The following MEA1 variants were observed in gnomAD, a reference collection of about 807,000 sequenced individuals.
MEA1 encodes male-enhanced antigen 1.
Under a neutral mutation model 21.4 loss-of-function variants are expected in MEA1, and 22 were observed. The ratio of observed to expected loss-of-function variants is 1.03; its 90% CI spans 0.73 to 1.47. The LOEUF (loss-of-function observed/expected upper bound fraction) is 1.47, where lower values mean the gene tolerates loss of function less well. Among genes scored for constraint, MEA1 ranks in the 40% most tolerant of loss-of-function variants. MEA1 has a pLI of 0.00. For missense variants in MEA1, 233 were observed against 230.5 expected (o/e 1.01, Z -0.07); for synonymous variants, 91 against 85.5 (o/e 1.06, Z -0.35).
chr6:43,015,940 C>T (rs1762560949), upstream of MEA1, among the ~76,000 whole-genome samples: 1 of 150,426 alleles, frequency 6.6e-6, no homozygotes, highest in Admixed American at 6.6e-5. Context: ...CTCCCTTCCC[C>T]TTTTTTTTTG....
chr6:43,013,022 C>T lies in MEA1; in HGVS notation c.310G>A (p.Gly104Arg). ...AATGGTGGGTCTGGCAAATGAAGCC[C>T]CAGGGCCTGCAGAGCCACAGAAGAC... The part of the protein sequence containing the change: ...ADIQDRIQAL[G>R]LHLPDPPLES... Residue 104 changes from glycine (G) to arginine (R), a missense_variant, in exon 3 of 4, where the codon GGG (glycine) becomes AGG (arginine). Physicochemically the swap from Gly to Arg is moderately radical, Grantham distance 125. Coordinates refer to ENST00000244711, the MANE Select transcript of MEA1 (RefSeq NM_014623.4). 1 of 1,614,194 alleles carries T rather than the reference C, an allele frequency of 6.2e-7. No homozygotes were observed. The highest frequency in any genetic ancestry group is 8.5e-7 in the Non-Finnish European group (1 of 1,180,036).
chr6:43,014,272 C>T (rs1251150245), upstream of MEA1: 1 of 834,120 alleles, frequency 1.2e-6, no homozygotes, highest in Non-Finnish European at 1.8e-6. Flanking sequence ...GGGACTAAGG[C>T]GTCGGTTGGC....
At chr6:43,015,406 C>T (rs527385517), upstream of MEA1, among the ~76,000 whole-genome samples, 5 of 152,268 alleles carry the variant, frequency 3.3e-5, no homozygotes, top group Non-Finnish European at 1.5e-5. Context: ...CTTTCCTCTG[C>T]CAGGGCTTCT....
At chr6:43,016,066 G>T (rs1418457072), upstream of MEA1, among the ~76,000 whole-genome samples, 4 of 151,872 alleles carry the variant, frequency 2.6e-5, no homozygotes, top group Admixed American at 2.6e-4. Context: ...CTCCTGAGTA[G>T]CTGGGACTAC....
chr6:43,014,333 C>G, upstream of MEA1: 2 of 608,840 alleles, frequency 3.3e-6, no homozygotes, highest in Non-Finnish European at 5.8e-6. Flanking sequence ...GGCCCCGCCC[C>G]GGCTCGGCCT....
rs1273076632 is a variant in MEA1, at chr6:43,012,022, T to A, written c.*448A>T. 1 of 204,700 alleles carries A rather than the reference T, an allele frequency of 4.9e-6. No individual in the cohort carries two copies. Among genetic ancestry groups the A allele is most frequent in the Non-Finnish European group, 8.7e-6 (1 of 115,228 alleles). The allele number at this position is 204,700 out of a possible 1,614,324, so 12.7% of individuals were successfully genotyped here. ...GACATGGAAGGGACCACCCTGGGGC[T>A]GACTGCTTTTCTGTGCTGTTGGTTC... On this transcript the variant is annotated 3_prime_UTR_variant, in exon 4 of 4. Transcript: ENST00000244711.
rs748872388 is a variant in MEA1, at chr6:43,011,172, G to T, written c.*1298C>A. The stretch of plus-strand genomic sequence containing the variant: ...AGATGCTAAAAGACATCAAGAAGGA[G>T]AAAGTGCTGCTGCGGAGGAAGTCGG... On this transcript the variant is annotated 3_prime_UTR_variant, in exon 4 of 4. Transcript: ENST00000244711. 2.5e-6 allele frequency: 4 copies of T among 1,614,146 alleles called. No individual in the cohort carries two copies. The highest frequency in any genetic ancestry group is 3.4e-6 in the Non-Finnish European group (4 of 1,180,016).
chr6:43,012,151 T>G lies in MEA1; in HGVS notation c.*319A>C, dbSNP rs993232184. 9.7e-7 allele frequency: 1 copy of G among 1,030,512 alleles called. No individual in the cohort carries two copies. The allele number at this position is 1,030,512 out of a possible 1,614,324, so 63.8% of individuals were successfully genotyped here. ...GCTATGCTGGGCAGGCCTTCTCTTG[T>G]CCCTTATAGGTACCTTGGAGGGGCC... On this transcript the variant is annotated 3_prime_UTR_variant, in exon 4 of 4. Transcript: ENST00000244711.
upstream of MEA1, chr6:43,014,236 C>T: frequency 8.9e-7 from 1 of 1,125,054 alleles, no homozygotes; most frequent in Non-Finnish European, 1.2e-6. Flanking sequence ...CCGGAAGAAC[C>T]GAGCTTGGCT....
intron 1 of MEA1, 144 bp from the exon 2 acceptor site, chr6:43,013,533 T>G: frequency 1.0e-6 from 1 of 952,932 alleles, no homozygotes; most frequent in East Asian, 2.6e-5. Flanking sequence ...CCGCCCCAAT[T>G]CCAGCCTCTC....
chr6:43,011,237 C>T lies in MEA1; in HGVS notation c.*1233G>A, dbSNP rs748788574. ...GTGTACACCATCAAGGCACTGGAGG[C>T]GCACAAGCGGGCGGAAGAGTTCCTA... On this transcript the variant is annotated 3_prime_UTR_variant, in exon 4 of 4. Coordinates refer to ENST00000244711, the MANE Select transcript of MEA1 (RefSeq NM_014623.4). 3.1e-6 allele frequency: 5 copies of T among 1,613,966 alleles called. No homozygotes were observed. In the South Asian group the frequency reaches 4.4e-5, roughly 14 times the overall value.
upstream of MEA1, chr6:43,013,965 C>T: frequency 1.4e-6 from 2 of 1,438,592 alleles, no homozygotes; most frequent in Non-Finnish European, 1.8e-6. Context: ...TCCTCCAGCC[C>T]CGCCCCATAT....
rs1762482958 is a variant in MEA1 at position 43,013,927 on chromosome 6, G to A, written c.-114C>T. On this transcript the variant is annotated 5_prime_UTR_variant, in exon 1 of 4. Coordinates refer to ENST00000244711, the MANE Select transcript of MEA1 (RefSeq NM_014623.4). ...TCAGAGCCCGCGGCCTCCACTTCCG[G>A]CGGGGCAGGACGTGCAGAGGTGCCT... 1 of 1,477,576 alleles carries A rather than the reference G, an allele frequency of 6.8e-7. No homozygotes were observed. Among genetic ancestry groups the A allele is most frequent in the Non-Finnish European group, 9.0e-7 (1 of 1,114,274 alleles). The allele number at this position is 1,477,576 out of a possible 1,614,324, so 91.5% of individuals were successfully genotyped here. A position where few individuals can be genotyped will look rare whatever the true frequency, so the allele number is the denominator to read the frequency against.
upstream of MEA1, among the ~76,000 whole-genome samples, chr6:43,015,212 GAAGT>G (rs1207490509): frequency 6.6e-6 from 1 of 152,082 alleles, no homozygotes; most frequent in African/African-American, 2.4e-5. Context: ...CGGGAGTAAT[GAAGT>G]GAGAGTAGCT....
In MEA1 at chr6:43,011,234, A is replaced by T; in HGVS notation, c.*1236T>A. The T allele has an allele frequency of 1.2e-6, 2 of 1,614,096 alleles. No homozygotes were observed. The highest frequency in any genetic ancestry group is 1.7e-6 in the Non-Finnish European group (2 of 1,180,006). ...GACGTGTACACCATCAAGGCACTGGAGGCGCACAAGCGGGCGGAAGAGTTC... is the reference window on the plus strand; with the variant it reads ...GACGTGTACACCATCAAGGCACTGGTGGCGCACAAGCGGGCGGAAGAGTTC... On this transcript the variant is annotated 3_prime_UTR_variant, in exon 4 of 4. Coordinates refer to ENST00000244711, the MANE Select transcript of MEA1 (RefSeq NM_014623.4).
intron 1 of MEA1, 71 bp downstream of exon 1, chr6:43,013,715 T>G: frequency 6.9e-7 from 1 of 1,445,816 alleles, no homozygotes; most frequent in Non-Finnish European, 9.6e-7. Context: ...GAACTCTGGG[T>G]CATCAGACTC....
intron 2 of MEA1, 26 bp from the exon 3 acceptor site, chr6:43,013,054 G>T: frequency 6.2e-7 from 1 of 1,614,018 alleles, no homozygotes. Context: ...AGACCGTTTG[G>T]GTCTAGGCTT....
In MEA1 at chr6:43,012,232, G is replaced by A. The variant is rs559692306; in HGVS notation, c.*238C>T. 1 of 1,212,572 alleles carries A rather than the reference G, an allele frequency of 8.2e-7. No individual in the cohort carries two copies. Among genetic ancestry groups the A allele is most frequent in the East Asian group, 3.5e-5 (1 of 28,286 alleles). 75.1% of individuals were successfully genotyped at this position (1,212,572 alleles called of 1,614,324 possible). A position where few individuals can be genotyped will look rare whatever the true frequency, so the allele number is the denominator to read the frequency against. On this transcript the variant is annotated 3_prime_UTR_variant, in exon 4 of 4. Transcript: ENST00000244711. ...AGGGGCGCAGGCAGTGCGGCTTTTG[G>A]CTGTGTACATAGGGTGCTTTATTCT...
upstream of MEA1, chr6:43,014,207 G>T: frequency 7.6e-7 from 1 of 1,311,548 alleles, no homozygotes; most frequent in Non-Finnish European, 1.0e-6. Context: ...ACGACTGCAC[G>T]TGCGCGCACA....
Sources: allele counts gnomAD v4.1 joint callset (sites outside exome capture counted in the v4.1 genomes callset), GRCh38; gene constraint gnomAD v4.1.1; transcripts MANE v1.5; gene names NCBI Gene and HGNC (gene_info 2026-07-23, HGNC 2026-07-21).